The following SENP7 variants were observed in gnomAD, a reference collection of about 807,000 sequenced individuals.
The protein encoded by SENP7 is sentrin-specific protease 7.
In SENP7, 64 loss-of-function variants were observed where a neutral mutation model predicts 141.2. The ratio of observed to expected loss-of-function variants is 0.45; its 90% confidence interval spans 0.37 to 0.56. SENP7 has a LOEUF of 0.56. Among genes scored for constraint, SENP7 ranks in the 20% least tolerant of loss-of-function variants. The pLI, the probability that SENP7 is intolerant of heterozygous loss-of-function variation, is 0.00. For missense variants in SENP7, 1,025 were observed against 1,212.2 expected, an observed-to-expected ratio of 0.85 and a Z score of 2.29; for synonymous variants, 382 against 426.4, an observed-to-expected ratio of 0.90 and a Z score of 1.28.
intron 6 of SENP7, among the ~76,000 whole-genome samples, chr3:101,379,911 T>C (rs560908937): frequency 4.6e-5 from 7 of 152,166 alleles, no homozygotes. Flanking sequence ...AGCCAAAATG[T>C]AGAAGCAACA....
At chr3:101,468,131 A>G (rs1216183613) in intron 3 of SENP7, among the ~76,000 whole-genome samples, 5 of 152,230 alleles carry the variant, frequency 3.3e-5, no homozygotes, top group African/African-American at 9.6e-5. Flanking sequence ...AGATTAATGA[A>G]ATAAAGCAAG....
chr3:101,410,282 T>A (rs1022291489), intron 5 of SENP7, among the ~76,000 whole-genome samples: 4 of 152,032 alleles, frequency 2.6e-5, no homozygotes, highest in African/African-American at 9.7e-5. Context: ...AAATAGTAGA[T>A]GTTGGCATGG....
chr3:101,362,638 C>T (rs972911694), intron 10 of SENP7, among the ~76,000 whole-genome samples: 1 of 152,086 alleles, frequency 6.6e-6, no homozygotes, highest in Admixed American at 6.5e-5. Context: ...TTGGAGTTTC[C>T]AATGTCTATT....
At chr3:101,375,543 C>CAAAAAA (rs2060301695) in intron 6 of SENP7, among the ~76,000 whole-genome samples, 1 of 18,314 alleles carries the variant, frequency 5.5e-5, no homozygotes, top group Non-Finnish European at 9.6e-5. Flanking sequence ...ATTCCATCTC[C>CAAAAAA]AAAAAAAAAA....
At chr3:101,365,115 ACC>A in intron 9 of SENP7, 124 bp from the exon 10 acceptor site, 4 of 495,396 alleles carry the variant, frequency 8.1e-6, no homozygotes, top group Non-Finnish European at 1.3e-5. Flanking sequence ...CAATTCTCCT[ACC>A]TCAGCCTCCC....
At chr3:101,510,862 A>AAAAAAAG (rs1274874866) in intron 1 of SENP7, among the ~76,000 whole-genome samples, 30 of 151,372 alleles carry the variant, frequency 2.0e-4, no homozygotes, top group Non-Finnish European at 3.5e-4. Context: ...AAAAAAAAAA[A>AAAAAAAG]AGTCACTTCA....
At chr3:101,349,591 G>A (rs987382191) in intron 12 of SENP7, among the ~76,000 whole-genome samples, 3 of 152,092 alleles carry the variant, frequency 2.0e-5, no homozygotes, top group Non-Finnish European at 1.5e-5. Flanking sequence ...GCTAAATGAC[G>A]AGTTAATGGG....
chr3:101,325,562 C>G lies in SENP7; in HGVS notation c.*381G>C, dbSNP rs118033659. 3.5e-4 allele frequency: 53 copies of G among 153,404 alleles called. 1 individual carries two copies. The East Asian group carries it at 9.9e-3, about 29-fold the overall frequency. The allele number at this position is 153,404 out of a possible 1,614,324, so 9.5% of individuals were successfully genotyped here. On this transcript the variant is annotated 3_prime_UTR_variant, in exon 24 of 24. Coordinates refer to ENST00000394095, the MANE Select transcript of SENP7 (RefSeq NM_020654.5). ...TCAGCAAATTTGACAAGCACTGGGG[C>G]TGGCACCAGGGAGGCTTTAACTCCC...
At chr3:101,482,744 CTT>C (rs1196451735) in intron 3 of SENP7, among the ~76,000 whole-genome samples, 1 of 151,912 alleles carries the variant, frequency 6.6e-6, no homozygotes. Flanking sequence ...GGTGACCTAT[CTT>C]TTTATTTTTT....
intron 3 of SENP7, 69 bp downstream of exon 3, chr3:101,493,803 GT>G: frequency 1.1e-6 from 1 of 933,464 alleles, no homozygotes; most frequent in Admixed American, 2.3e-5. Flanking sequence ...TAAACATTCA[GT>G]TTTATTACAA....
chr3:101,497,961 C>A (rs901536831), intron 2 of SENP7, among the ~76,000 whole-genome samples: 1 of 152,128 alleles, frequency 6.6e-6, no homozygotes, highest in Admixed American at 6.6e-5. Flanking sequence ...TGCCAACATG[C>A]CCAGCTAATT....
intron 3 of SENP7, among the ~76,000 whole-genome samples, chr3:101,486,622 C>T (rs908267576): frequency 6.6e-6 from 1 of 152,178 alleles, no homozygotes; most frequent in Non-Finnish European, 1.5e-5. Flanking sequence ...AATCTTGAAA[C>T]AAATTCTGGA....
intron 3 of SENP7, among the ~76,000 whole-genome samples, chr3:101,484,332 T>C (rs977033771): frequency 2.0e-5 from 3 of 152,172 alleles, no homozygotes; most frequent in African/African-American, 7.2e-5. Flanking sequence ...GAAGAACTCT[T>C]ACAACTCAAC....
At chr3:101,405,735 C>A (rs572171896) in intron 5 of SENP7, among the ~76,000 whole-genome samples, 2 of 152,268 alleles carry the variant, frequency 1.3e-5, no homozygotes, top group Admixed American at 1.3e-4. Flanking sequence ...AAATAAAAAA[C>A]AATCAAAACT....
At chr3:101,357,384 T>C in intron 11 of SENP7, 1 of 706,278 alleles carries the variant, frequency 1.4e-6, no homozygotes, top group Non-Finnish European at 2.6e-6. Flanking sequence ...CTTGGTATTG[T>C]TGTCTCTAAG....
chr3:101,447,688 T>A (rs534456308), intron 4 of SENP7, among the ~76,000 whole-genome samples: 20 of 152,234 alleles, frequency 1.3e-4, no homozygotes, highest in African/African-American at 4.3e-4. Flanking sequence ...CAATACAATC[T>A]CTGTCAAAAT....
intron 3 of SENP7, among the ~76,000 whole-genome samples, chr3:101,475,539 C>G (rs571334516): frequency 6.6e-6 from 1 of 152,040 alleles, no homozygotes; most frequent in Admixed American, 6.6e-5. Flanking sequence ...CACACTGGAG[C>G]CTGTCAGGGG....
intron 1 of SENP7, among the ~76,000 whole-genome samples, chr3:101,509,867 G>A (rs1333066400): frequency 3.3e-5 from 5 of 152,182 alleles, no homozygotes; most frequent in Admixed American, 2.0e-4. Context: ...CCTAAATCCC[G>A]GTTTTCTCAT....
intron 1 of SENP7, among the ~76,000 whole-genome samples, chr3:101,502,597 G>T (rs916778500): frequency 2.7e-5 from 4 of 146,020 alleles, no homozygotes; most frequent in Non-Finnish European, 6.0e-5. Flanking sequence ...CGCCTGGCTG[G>T]ATTTGCTTTG....
Sources: gnomAD v4.1 joint callset for allele counts (sites outside exome capture counted in the v4.1 genomes callset) on GRCh38, gnomAD v4.1.1 for gene constraint, MANE v1.5 for transcripts, NCBI Gene and HGNC (gene_info 2026-07-23, HGNC 2026-07-21) for gene names.